NR3C1: variants seen among roughly 807,000 people sequenced by gnomAD.
NR3C1 encodes nuclear receptor subfamily 3 group C member 1.
NR3C1 carries 14 observed loss-of-function variants against 74.0 expected under a neutral mutation model. The ratio of observed to expected loss-of-function variants is 0.19; its 90% CI spans 0.12 to 0.30. The LOEUF (loss-of-function observed/expected upper bound fraction) is 0.30. Ranked by LOEUF, NR3C1 falls within the 10% of genes least tolerant of loss-of-function variation. The pLI is 1.00. For synonymous variants in NR3C1, 308 were observed against 332.5 expected, an observed-to-expected ratio of 0.93 and a Z score of 0.80; for missense variants, 695 against 909.8, an observed-to-expected ratio of 0.76 and a Z score of 3.04.
intron 2 of NR3C1, among the ~76,000 whole-genome samples, chr5:143,349,595 T>C (rs1033171654): frequency 6.6e-6 from 1 of 152,194 alleles, no homozygotes; most frequent in Admixed American, 6.5e-5. Flanking sequence ...CAAACTCTTC[T>C]TCTAGGTTTT....
chr5:143,301,416 T>C (rs931642980), intron 4 of NR3C1, among the ~76,000 whole-genome samples: 15 of 152,140 alleles, frequency 9.9e-5, no homozygotes, highest in African/African-American at 3.4e-4. Context: ...GAAGATGAAA[T>C]GAAAAACTTT....
At chr5:143,341,254 A>C (rs556531936) in intron 2 of NR3C1, among the ~76,000 whole-genome samples, 39 of 152,368 alleles carry the variant, frequency 2.6e-4, no homozygotes, top group African/African-American at 9.4e-4. Context: ...CATCTGCAAA[A>C]GGCTTAGTAG....
intron 2 of NR3C1, among the ~76,000 whole-genome samples, chr5:143,327,305 G>GA (rs1164492865): frequency 6.6e-6 from 1 of 151,930 alleles, no homozygotes; most frequent in Admixed American, 6.6e-5. Flanking sequence ...GAACAGCATG[G>GA]AAAAAACCCC....
Position 143,278,525 on chromosome 5 carries a change from A to ATTTG in NR3C1, c.*3363_*3364insCAAA, listed in dbSNP as rs1295579854. 2 of 152,184 alleles carry ATTTG rather than the reference A, an allele frequency of 1.3e-5. No homozygotes were observed. The highest frequency in any genetic ancestry group is 3.9e-4 in the East Asian group (2 of 5,180). 9.4% of individuals were successfully genotyped at this position (152,184 alleles called of 1,614,324 possible). A position where few individuals can be genotyped will look rare whatever the true frequency, so the allele number is the denominator to read the frequency against. ...CTGGGAAATTACGAAACTCCACCCAAAGGGTTTAAAGTGTCCTCCTTACAC... is the reference window on the plus strand; with the variant it reads ...CTGGGAAATTACGAAACTCCACCCAATTTGAGGGTTTAAAGTGTCCTCCTTACAC... On this transcript the variant is annotated 3_prime_UTR_variant, in exon 9 of 9. Transcript: ENST00000394464.
At chr5:143,346,601 T>C (rs779598631) in intron 2 of NR3C1, among the ~76,000 whole-genome samples, 3 of 152,218 alleles carry the variant, frequency 2.0e-5, no homozygotes, top group Admixed American at 6.5e-5. Context: ...CCAAATTTGG[T>C]TGACGTCGTG....
chr5:143,310,217 T>C lies in NR3C1; in HGVS notation c.1352-4A>G, dbSNP rs1820591791. 1.3e-6 allele frequency: 2 copies of C among 1,598,512 alleles called. No individual in the cohort carries two copies. Among genetic ancestry groups the C allele is most frequent in the Non-Finnish European group, 1.7e-6 (2 of 1,166,682 alleles). On this transcript the variant is annotated splice_region_variant and splice_polypyrimidine_tract_variant and intron_variant, in intron 3 of 8. Coordinates refer to ENST00000394464, the MANE Select transcript of NR3C1 (RefSeq NM_000176.3). The stretch of plus-strand genomic sequence containing the variant: ...GCACATAGGTAATTGTGCTGTCCTA[T>C]ATGGAATAAAAGGCACTATTAAAGT...
intron 1 of NR3C1, among the ~76,000 whole-genome samples, chr5:143,417,220 C>G (rs184063784): frequency 6.6e-6 from 1 of 152,200 alleles, no homozygotes; most frequent in Admixed American, 6.5e-5. Context: ...GATCTTGAAA[C>G]TGAAACTTGA....
At chr5:143,289,405 G>A (rs1451181329) in intron 7 of NR3C1, among the ~76,000 whole-genome samples, 1 of 152,152 alleles carries the variant, frequency 6.6e-6, no homozygotes, top group African/African-American at 2.4e-5. Flanking sequence ...GGAAGAAAAT[G>A]AACCTTGTCC....
intron 3 of NR3C1, among the ~76,000 whole-genome samples, chr5:143,313,702 T>A (rs543813981): frequency 6.6e-6 from 1 of 152,242 alleles, no homozygotes; most frequent in Non-Finnish European, 1.5e-5. Flanking sequence ...ATGAACATTA[T>A]GTTATGCCCA....
chr5:143,407,096 A>C (rs1841138701), upstream of NR3C1: 1 of 152,252 alleles, frequency 6.6e-6, no homozygotes, highest in African/African-American at 2.4e-5. Context: ...TGATTGTCTT[A>C]GAAGCAGAGG....
chr5:143,288,975 G>A (rs1434950932), intron 7 of NR3C1, among the ~76,000 whole-genome samples: 1 of 151,648 alleles, frequency 6.6e-6, no homozygotes. Context: ...CATGATGGTG[G>A]GTGCCTGCAA....
upstream of NR3C1, among the ~76,000 whole-genome samples, chr5:143,406,327 C>T (rs1841107317): frequency 6.6e-6 from 1 of 151,022 alleles, no homozygotes; most frequent in Non-Finnish European, 1.5e-5. Context: ...ATTATTCTCC[C>T]TTCATTTTTT....
At chr5:143,406,982 C>T (rs1028568327), upstream of NR3C1, 5 of 152,326 alleles carry the variant, frequency 3.3e-5, no homozygotes, top group African/African-American at 1.2e-4. Context: ...GTTTTATGCA[C>T]AGTATCCTAA....
rs371613240 is a variant in NR3C1, at chr5:143,400,039, G to A, written c.801C>T (p.Ser267=). 3.1e-6 allele frequency: 5 copies of A among 1,614,038 alleles called. No homozygotes were observed. The Middle Eastern group carries it at 4.9e-4, about 159-fold the overall frequency. The change falls in exon 2 of 9, where the codon AGC becomes AGT. Residue 267 remains serine, a synonymous_variant. Transcript: ENST00000394464. ...IKDNGDLVLS[S]PSNVTLPQVK... ...CTTGGGGCAGTGTTACATTACTGGGGCTTGACAAAACCAGATCTCCATTAT... is the reference window on the plus strand; with the variant it reads ...CTTGGGGCAGTGTTACATTACTGGGACTTGACAAAACCAGATCTCCATTAT...
At chr5:143,420,909 C>T (rs547539996) in intron 1 of NR3C1, among the ~76,000 whole-genome samples, 29 of 152,228 alleles carry the variant, frequency 1.9e-4, no homozygotes, top group African/African-American at 7.0e-4. Flanking sequence ...AAAACAAAGT[C>T]CTTCAGAGAA....
chr5:143,386,082 A>T lies in NR3C1; in HGVS notation c.1184+13574T>A, dbSNP rs1344083335. 2.0e-5 allele frequency among the ~76,000 whole-genome samples: 3 copies of T among 152,190 alleles called. No individual in the cohort carries two copies. The South Asian group carries it at 6.2e-4, about 31-fold the overall frequency. On this transcript the variant is annotated intron_variant, in intron 2 of 8. Coordinates refer to ENST00000394464, the MANE Select transcript of NR3C1 (RefSeq NM_000176.3). ...TACACTCACAGTGGAAGGCAAAGAA[A>T]CCATGTTTTCACATGGCAGAGCAGG...
At chr5:143,349,744 C>A (rs1829918337) in intron 2 of NR3C1, among the ~76,000 whole-genome samples, 1 of 152,046 alleles carries the variant, frequency 6.6e-6, no homozygotes, top group Admixed American at 6.6e-5. Flanking sequence ...TGGGGTATAC[C>A]ACAGTGAAAA....
chr5:143,404,595 A>AC, upstream of NR3C1: 3 of 352,578 alleles, frequency 8.5e-6, no homozygotes, highest in Non-Finnish European at 1.0e-5. Context: ...TTCAACCCCC[A>AC]CCCCTCCCGC....
At chr5:143,402,129 A>G (rs1457523237) in intron 1 of NR3C1, among the ~76,000 whole-genome samples, 4 of 152,186 alleles carry the variant, frequency 2.6e-5, no homozygotes, top group African/African-American at 9.7e-5. Context: ...TCTTGAGGGT[A>G]AACTGCTTAT....
Sources: gnomAD v4.1 joint callset for allele counts (sites outside exome capture counted in the v4.1 genomes callset) on GRCh38, gnomAD v4.1.1 for gene constraint, MANE v1.5 for transcripts, NCBI Gene and HGNC (gene_info 2026-07-23, HGNC 2026-07-21) for gene names.